The following LEPROTL1 variants were observed in gnomAD, a reference collection of about 807,000 sequenced individuals.
The protein encoded by LEPROTL1 is leptin receptor overlapping transcript-like 1.
Under a neutral mutation model 15.4 loss-of-function variants are expected in LEPROTL1, and 6 were observed. That is an observed-to-expected ratio of 0.39 (90% confidence interval 0.21 to 0.77). The LOEUF (loss-of-function observed/expected upper bound fraction) is 0.77, where lower values mean the gene tolerates loss of function less well. Ranked by LOEUF, LEPROTL1 falls within the 30% of genes least tolerant of loss-of-function variation. The pLI is 0.41. For synonymous variants in LEPROTL1, 56 were observed against 52.6 expected (o/e 1.06, Z -0.28); for missense variants, 128 against 158.1 (o/e 0.81, Z 1.02).
intron 3 of LEPROTL1, chr8:30,104,703 CTT>C: frequency 9.0e-6 from 3 of 334,576 alleles, no homozygotes; most frequent in Non-Finnish European, 1.6e-5. Context: ...CTTGCTAATA[CTT>C]TTTTTTTTCT....
intron 3 of LEPROTL1, among the ~76,000 whole-genome samples, chr8:30,131,334 A>T (rs1313797005): frequency 1.3e-5 from 2 of 149,866 alleles, no homozygotes; most frequent in African/African-American, 2.5e-5. Flanking sequence ...ACATATATAT[A>T]TTTTGAGACA....
Position 30,099,547 on chromosome 8 carries a change from A to T in LEPROTL1, c.17-2351A>T, listed in dbSNP as rs904003385. On this transcript the variant is annotated intron_variant, in intron 1 of 3. Transcript: ENST00000321250. Reference sequence around the variant, plus strand: ...AACCTGGGAGGCGGAGGTTGCAGTGAGTCAAGATCGCGCCACTGCACTCCA... The same window carrying T: ...AACCTGGGAGGCGGAGGTTGCAGTGTGTCAAGATCGCGCCACTGCACTCCA... Among the ~76,000 whole-genome samples the T allele has an allele frequency of 2.8e-5, 4 of 141,450 alleles. No homozygotes were observed. In the Admixed American group the frequency reaches 3.0e-4, roughly 11 times the overall value. The allele number at this position is 141,450 out of a possible 152,430, so 92.8% of individuals were successfully genotyped here.
intron 3 of LEPROTL1, chr8:30,117,674 G>A (rs560146856): frequency 1.2e-5 from 17 of 1,470,338 alleles, no homozygotes; most frequent in Middle Eastern, 2.4e-4. Flanking sequence ...GAAACCAGAC[G>A]ATGACTTTGG....
chr8:30,101,694 A>T (rs995439102), intron 1 of LEPROTL1, among the ~76,000 whole-genome samples: 3 of 112,546 alleles, frequency 2.7e-5, no homozygotes, highest in Non-Finnish European at 5.9e-5. Flanking sequence ...AAAAAAAAAA[A>T]GGCCAGTGTC....
rs147954362 is a variant in LEPROTL1 at position 30,132,304 on chromosome 8, C to T, written c.280-71C>T. 132 of 1,551,732 alleles carry T rather than the reference C, an allele frequency of 8.5e-5. No homozygotes were observed. In the African/African-American group the frequency reaches 1.2e-3, roughly 14 times the overall value. ...AGCCCTGCTGTGCTGGAATACAAGC[C>T]GTCGGAGCCATCGAGCTGTGCTTTG... On this transcript the variant is annotated intron_variant, in intron 3 of 4. Transcript: ENST00000442880.
chr8:30,128,633 TC>T (rs1334801875), intron 3 of LEPROTL1, among the ~76,000 whole-genome samples: 1 of 151,816 alleles, frequency 6.6e-6, no homozygotes, highest in African/African-American at 2.4e-5. Flanking sequence ...GTTCCTGTAG[TC>T]CCAGCTACTT....
intron 1 of LEPROTL1, among the ~76,000 whole-genome samples, chr8:30,097,728 T>C (rs1027297351): frequency 1.7e-3 from 215 of 127,844 alleles, no homozygotes; most frequent in African/African-American, 2.1e-3. Context: ...CACACACACA[T>C]ATTTAGTATT....
intron 3 of LEPROTL1, among the ~76,000 whole-genome samples, chr8:30,121,656 T>A (rs1259293455): frequency 2.0e-5 from 3 of 152,064 alleles, no homozygotes; most frequent in South Asian, 2.1e-4. Context: ...CTTTGGTGTG[T>A]TTTTTCTGGG....
At position 30,095,648 on chromosome 8, in the gene LEPROTL1, C is replaced by T. The variant is rs1328337768; in HGVS notation, c.16+120C>T. The T allele has an allele frequency of 3.5e-6, 3 of 864,384 alleles. No homozygotes were observed. The Admixed American group carries it at 1.3e-4, about 37-fold the overall frequency. 53.5% of individuals were successfully genotyped at this position (864,384 alleles called of 1,614,324 possible). On this transcript the variant is annotated intron_variant, in intron 1 of 3. Transcript: ENST00000321250. The stretch of plus-strand genomic sequence containing the variant: ...GCGCGCGCGCGTGGGGTCCCTGCGC[C>T]GGGGAAGCGACCCCCGCCCCGGCCC...
At chr8:30,127,362 C>T (rs372507009) in intron 3 of LEPROTL1, among the ~76,000 whole-genome samples, 16 of 152,116 alleles carry the variant, frequency 1.1e-4, no homozygotes, top group Non-Finnish European at 1.5e-4. Context: ...CAGAGTGATT[C>T]GGCTGATGAA....
chr8:30,134,046 GACATC>G (rs985888286), intron 4 of LEPROTL1, among the ~76,000 whole-genome samples: 6 of 152,122 alleles, frequency 3.9e-5, no homozygotes, highest in Middle Eastern at 3.2e-3. Flanking sequence ...ACCACAGACT[GACATC>G]ACCCTTGTCA....
At chr8:30,116,122 T>C (rs1474183367) in intron 3 of LEPROTL1, among the ~76,000 whole-genome samples, 1 of 152,046 alleles carries the variant, frequency 6.6e-6, no homozygotes, top group African/African-American at 2.4e-5. Context: ...ATGCCTGTGG[T>C]CCCAGCTACC....
At chr8:30,128,330 C>T (rs1007584373) in intron 3 of LEPROTL1, among the ~76,000 whole-genome samples, 4 of 152,192 alleles carry the variant, frequency 2.6e-5, no homozygotes, top group Admixed American at 1.3e-4. Flanking sequence ...GAAATTACCC[C>T]TGGCCATCAG....
intron 2 of LEPROTL1, among the ~76,000 whole-genome samples, chr8:30,102,372 C>A (rs1049533744): frequency 6.6e-6 from 1 of 151,978 alleles, no homozygotes; most frequent in African/African-American, 2.4e-5. Context: ...ACTTTCCGGC[C>A]GGGTGCGGTG....
intron 3 of LEPROTL1, among the ~76,000 whole-genome samples, chr8:30,126,354 T>C (rs906387992): frequency 6.6e-6 from 1 of 152,190 alleles, no homozygotes; most frequent in Non-Finnish European, 1.5e-5. Flanking sequence ...AAGTGACACA[T>C]GACTGTACCT....
At chr8:30,123,999 A>G (rs1470723587) in intron 3 of LEPROTL1, among the ~76,000 whole-genome samples, 3 of 149,486 alleles carry the variant, frequency 2.0e-5, no homozygotes, top group Non-Finnish European at 3.0e-5. Context: ...TTTTTTTTCC[A>G]GAAGATAGCA....
chr8:30,100,312 CCTT>C (rs1487492433), intron 1 of LEPROTL1, among the ~76,000 whole-genome samples: 15 of 152,274 alleles, frequency 9.9e-5, no homozygotes, highest in African/African-American at 3.4e-4. Flanking sequence ...AACTTTTAGA[CCTT>C]CTACAAATCT....
intron 1 of LEPROTL1, among the ~76,000 whole-genome samples, chr8:30,101,284 G>A (rs1267828315): frequency 1.3e-5 from 2 of 152,162 alleles, no homozygotes; most frequent in Admixed American, 6.5e-5. Flanking sequence ...GCCCAGAAGA[G>A]CATTGAGCCT....
rs147587543 is a variant in LEPROTL1, at chr8:30,115,966, T to C, written c.279+11480T>C. 5.3e-5 allele frequency among the ~76,000 whole-genome samples: 8 copies of C among 152,202 alleles called. No homozygotes were observed. The East Asian group carries it at 1.5e-3, about 29-fold the overall frequency. ...ATTTGGTAGTAAATATTAAAAGCCT[T>C]CTGTAATGTTGTGATATAATAAGAA... is the stretch of plus-strand genomic sequence containing the variant. On this transcript the variant is annotated intron_variant, in intron 3 of 4. Transcript: ENST00000442880.
Sources: allele counts gnomAD v4.1 joint callset (sites outside exome capture counted in the v4.1 genomes callset), GRCh38; gene constraint gnomAD v4.1.1; transcripts MANE v1.5; gene names NCBI Gene and HGNC (gene_info 2026-07-23, HGNC 2026-07-21).